FIP1L1: variants seen among roughly 807,000 people sequenced by gnomAD.
The protein encoded by FIP1L1 is factor interacting with PAPOLA and CPSF1.
In FIP1L1, 21 loss-of-function variants were observed where a neutral mutation model predicts 84.6. The observed-to-expected ratio is 0.25, with a 90% confidence interval of 0.18 to 0.36. The LOEUF (loss-of-function observed/expected upper bound fraction) is 0.36, where lower values mean the gene tolerates loss of function less well. Among genes scored for constraint, FIP1L1 ranks in the 10% least tolerant of loss-of-function variants. The probability of loss-of-function intolerance (pLI) is 1.00; values close to 1 mark genes in which losing one functional copy is unlikely to be tolerated. For missense variants in FIP1L1, 526 were observed against 751.1 expected (o/e 0.70, Z 3.50); for synonymous variants, 263 against 242.3 (o/e 1.09, Z -0.80).
At chr4:53,409,356 G>A (rs1477472642) in intron 10 of FIP1L1, among the ~76,000 whole-genome samples, 3 of 152,136 alleles carry the variant, frequency 2.0e-5, no homozygotes, top group South Asian at 2.1e-4. Flanking sequence ...TCCTCTGGAC[G>A]TTTTGCCTCA....
intron 5 of FIP1L1, among the ~76,000 whole-genome samples, chr4:53,387,935 A>G (rs1467384871): frequency 2.6e-5 from 4 of 152,226 alleles, no homozygotes; most frequent in East Asian, 3.8e-4. Context: ...CATACTTGAC[A>G]TGGTTTGGTG....
chr4:53,384,519 A>C (rs1739853014), intron 5 of FIP1L1, among the ~76,000 whole-genome samples: 1 of 152,172 alleles, frequency 6.6e-6, no homozygotes, highest in Admixed American at 6.5e-5. Flanking sequence ...TCCAGACCTG[A>C]GTTTAGGTTT....
chr4:53,396,341 C>T (rs1245489781), intron 9 of FIP1L1, among the ~76,000 whole-genome samples: 2 of 152,182 alleles, frequency 1.3e-5, no homozygotes, highest in Admixed American at 6.5e-5. Context: ...ATTACAATTA[C>T]ATGGTGAGAA....
intron 13 of FIP1L1, 119 bp from the exon 14 acceptor site, chr4:53,442,534 A>T (rs1450098246): frequency 1.5e-6 from 1 of 669,206 alleles, no homozygotes; most frequent in Admixed American, 2.7e-5. Context: ...CCATTATTAC[A>T]ACATAGAGAA....
intron 15 of FIP1L1, among the ~76,000 whole-genome samples, chr4:53,452,324 T>G (rs1716556041): frequency 1.3e-5 from 2 of 152,132 alleles, no homozygotes; most frequent in Admixed American, 1.3e-4. Flanking sequence ...CAACACTTTT[T>G]TTTTTTCTTT....
At position 53,453,114 on chromosome 4, in the gene FIP1L1, A is replaced by G. The variant is rs1382981546; in HGVS notation, c.1480A>G (p.Thr494Ala). Residue 494 changes from threonine (T) to alanine (A), a missense_variant, in exon 16 of 18, where the codon ACA (threonine) becomes GCA (alanine). Physicochemically the swap from Thr to Ala is moderately conservative, Grantham distance 58. Around this residue, in one of 6 missense-constraint regions of FIP1L1, gnomAD observed 89 missense variants for 169.0 expected, o/e 0.53. Transcript: ENST00000337488. ...ERERERDHSP[T>A]PSVFNSDEER... ...AGAGAGGGAGCGTGATCACAGTCCT[A>G]CACCAAGTGTTTTCAACAGGTTTGT... The G allele has an allele frequency of 1.2e-6, 2 of 1,614,066 alleles. No homozygotes were observed. The highest frequency in any genetic ancestry group is 3.3e-5 in the Admixed American group (2 of 60,014).
At chr4:53,419,001 G>A (rs1395303618) in intron 11 of FIP1L1, among the ~76,000 whole-genome samples, 2 of 152,104 alleles carry the variant, frequency 1.3e-5, no homozygotes, top group African/African-American at 4.8e-5. Context: ...AAGATTTTAT[G>A]TTATTGGACA....
At chr4:53,388,559 T>G (rs1304247350) in intron 5 of FIP1L1, among the ~76,000 whole-genome samples, 1 of 152,100 alleles carries the variant, frequency 6.6e-6, no homozygotes, top group Non-Finnish European at 1.5e-5. Flanking sequence ...ATGGTCTTGA[T>G]CTCCTGACCT....
intron 13 of FIP1L1, among the ~76,000 whole-genome samples, chr4:53,441,554 G>A (rs990815365): frequency 6.6e-6 from 1 of 151,962 alleles, no homozygotes; most frequent in African/African-American, 2.4e-5. Context: ...GTACTTTTAA[G>A]ATGTTTAATA....
Position 53,454,922 on chromosome 4 carries a change from T to G in FIP1L1, c.1499+1789T>G, listed in dbSNP as rs561178462. ...TGCTTAGTGGAGCTACCTTCATCAG[T>G]GATTTTAGCTAGATCTTCTGGATAG... On this transcript the variant is annotated intron_variant, in intron 16 of 17. Transcript: ENST00000337488. Among the ~76,000 whole-genome samples the G allele has an allele frequency of 1.2e-4, 18 of 152,332 alleles. No homozygotes were observed. In the East Asian group the frequency reaches 2.7e-3, roughly 23 times the overall value.
chr4:53,379,019 A>G (rs2149226869), intron 1 of FIP1L1, 54 bp from the exon 2 acceptor site: 7 of 1,554,694 alleles, frequency 4.5e-6, no homozygotes, highest in South Asian at 1.2e-5. Flanking sequence ...TTTCCATAAA[A>G]TAAGTATCTT....
At position 53,420,563 on chromosome 4, in the gene FIP1L1, A is replaced by G. The variant is rs145992610; in HGVS notation, c.924-5309A>G. Among the ~76,000 whole-genome samples the G allele has an allele frequency of 7.9e-3, 1,207 of 152,140 alleles. 16 individuals carry two copies. The highest frequency in any genetic ancestry group is 0.028 in the African/African-American group (1,142 of 41,526). The stretch of plus-strand genomic sequence containing the variant: ...TTGTATGTCCAGAAAAGTGTTTTGA[A>G]TTCTGTGATTTTTATTTTAGACTAG... On this transcript the variant is annotated intron_variant, in intron 11 of 17. Coordinates refer to ENST00000337488, the MANE Select transcript of FIP1L1 (RefSeq NM_030917.4).
intron 10 of FIP1L1, among the ~76,000 whole-genome samples, chr4:53,413,266 T>C (rs1322777952): frequency 5.9e-5 from 9 of 152,062 alleles, no homozygotes; most frequent in Admixed American, 5.9e-4. Flanking sequence ...TCAAAGGCAC[T>C]CTGATTCCTT....
At chr4:53,421,575 C>A (rs1263819383) in intron 11 of FIP1L1, among the ~76,000 whole-genome samples, 1 of 152,164 alleles carries the variant, frequency 6.6e-6, no homozygotes, top group Non-Finnish European at 1.5e-5. Context: ...AATGTCATAA[C>A]AAGTGCATCT....
At chr4:53,409,324 G>A (rs929489143) in intron 10 of FIP1L1, among the ~76,000 whole-genome samples, 1 of 152,156 alleles carries the variant, frequency 6.6e-6, no homozygotes, top group Admixed American at 6.5e-5. Context: ...TTCGTGAACC[G>A]CGAATGCTGC....
intron 11 of FIP1L1, among the ~76,000 whole-genome samples, chr4:53,420,317 A>G (rs7655975): frequency 0.56 from 82,874 of 148,916 alleles, 24,861 homozygotes; most frequent in Non-Finnish European, 0.67. Flanking sequence ...CCGTAATCCC[A>G]GCTCGGGAGG....
intron 16 of FIP1L1, 49 bp from the exon 17 acceptor site, chr4:53,458,604 C>T (rs1458770336): frequency 6.3e-7 from 1 of 1,578,150 alleles, no homozygotes; most frequent in Admixed American, 1.8e-5. Flanking sequence ...TGAATCCATT[C>T]AGAATTAATG....
At chr4:53,379,190 TG>T (rs772403593) in intron 2 of FIP1L1, 34 bp from the exon 3 acceptor site, 1 of 1,606,376 alleles carries the variant, frequency 6.2e-7, no homozygotes, top group Non-Finnish European at 8.5e-7. Context: ...TTATTTTGTT[TG>T]CTTATTTATT....
At chr4:53,378,054 T>C in intron 1 of FIP1L1, 131 bp downstream of exon 1, 3 of 795,178 alleles carry the variant, frequency 3.8e-6, no homozygotes, top group Non-Finnish European at 5.6e-6. Context: ...CGGCCTGACT[T>C]AGGCCGAGCG....
Sources: gnomAD v4.1 joint callset for allele counts (sites outside exome capture counted in the v4.1 genomes callset) on GRCh38, gnomAD v4.1.1 for gene constraint, gnomAD v4.1.1 regional missense constraint, MANE v1.5 for transcripts, NCBI Gene and HGNC (gene_info 2026-07-23, HGNC 2026-07-21) for gene names.